Variants in TLL1 observed in about 807,000 individuals in gnomAD.
The protein encoded by TLL1 is tolloid-like protein 1.
In TLL1, 49 loss-of-function variants were observed where a neutral mutation model predicts 128.2. The ratio of observed to expected loss-of-function variants is 0.38; its 90% CI spans 0.30 to 0.48. TLL1 has a LOEUF of 0.48. Among genes scored for constraint, TLL1 ranks in the 20% least tolerant of loss-of-function variants. TLL1 has a pLI of 0.96. For missense variants in TLL1, 1,123 were observed against 1,242.0 expected (o/e 0.90, Z 1.44); for synonymous variants, 454 against 418.8 (o/e 1.08, Z -1.03).
chr4:165,892,284 T>C (rs1328620121), intron 1 of TLL1, among the ~76,000 whole-genome samples: 1 of 152,206 alleles, frequency 6.6e-6, no homozygotes, highest in East Asian at 1.9e-4. Context: ...CCAAACCATG[T>C]CAACACTCAT....
chr4:165,955,066 A>G (rs1734716600), intron 1 of TLL1, among the ~76,000 whole-genome samples: 2 of 152,126 alleles, frequency 1.3e-5, no homozygotes, highest in African/African-American at 2.4e-5. Flanking sequence ...CAGCGTAGCC[A>G]TCTTAAGAAA....
rs554694664 is a variant in TLL1, at chr4:165,960,362, A to G, written c.170-29019A>G. 3.3e-5 allele frequency among the ~76,000 whole-genome samples: 5 copies of G among 152,238 alleles called. No individual in the cohort carries two copies. In the East Asian group the frequency reaches 9.7e-4, roughly 29 times the overall value. The stretch of plus-strand genomic sequence containing the variant: ...CAAACAAAAACCCTAGAATAGATGT[A>G]TTTACAGCCAAATTCTACCAGATGT... On this transcript the variant is annotated intron_variant, in intron 1 of 20. Coordinates refer to ENST00000061240, the MANE Select transcript of TLL1 (RefSeq NM_012464.5).
chr4:165,927,078 T>A (rs1733307343), intron 1 of TLL1, among the ~76,000 whole-genome samples: 1 of 152,202 alleles, frequency 6.6e-6, no homozygotes, highest in Admixed American at 6.5e-5. Context: ...CTCTGCAAAC[T>A]ATGAAGCAAC....
chr4:166,025,218 C>A, intron 8 of TLL1, 98 bp from the exon 9 acceptor site: 1 of 831,492 alleles, frequency 1.2e-6, no homozygotes, highest in Non-Finnish European at 2.1e-6. Flanking sequence ...AACATTTAGT[C>A]TTGTCTACTA....
intron 16 of TLL1, 126 bp downstream of exon 16, chr4:166,065,989 C>A: frequency 5.3e-6 from 1 of 187,460 alleles, no homozygotes; most frequent in Non-Finnish European, 8.1e-6. Context: ...GCCTTACAAA[C>A]AACACAAAAA....
intron 1 of TLL1, among the ~76,000 whole-genome samples, chr4:165,883,032 T>TA (rs1216744152): frequency 6.6e-6 from 1 of 152,066 alleles, no homozygotes; most frequent in Non-Finnish European, 1.5e-5. Context: ...ATATTGATTG[T>TA]AGGATATACT....
intron 12 of TLL1, among the ~76,000 whole-genome samples, chr4:166,047,268 G>T (rs142088760): frequency 1.3e-5 from 2 of 151,252 alleles, no homozygotes; most frequent in African/African-American, 4.8e-5. Context: ...AGGTTCAAGC[G>T]ATTCTCCTGC....
At chr4:165,926,420 T>C (rs925868605) in intron 1 of TLL1, among the ~76,000 whole-genome samples, 1 of 152,174 alleles carries the variant, frequency 6.6e-6, no homozygotes, top group Non-Finnish European at 1.5e-5. Flanking sequence ...GGAATTTGGA[T>C]ATAGTATGAT....
chr4:165,967,224 C>A (rs1019568109), intron 1 of TLL1, among the ~76,000 whole-genome samples: 2 of 152,200 alleles, frequency 1.3e-5, no homozygotes, highest in Non-Finnish European at 2.9e-5. Flanking sequence ...AAAATCGCAG[C>A]CATCTTGTTC....
chr4:166,057,241 C>T lies in TLL1; in HGVS notation c.1778C>T (p.Thr593Ile). Residue 593 changes from threonine to isoleucine, a missense_variant, in exon 14 of 21, where the codon ACT becomes ATT. This residue lies in a region of TLL1 where 634 missense variants were observed against 672.4 expected (regional missense o/e 0.94). Coordinates refer to ENST00000061240, the MANE Select transcript of TLL1 (RefSeq NM_012464.5). ...GGCTGTGAGCAGCGATGTCTGAACA[C>T]TCTGGGCAGTTACCAGTGTGCCTGT... ...RGGCEQRCLN[T>I]LGSYQCACEP... 1.2e-6 allele frequency: 2 copies of T among 1,613,972 alleles called. No individual in the cohort carries two copies. The highest frequency in any genetic ancestry group is 8.5e-7 in the Non-Finnish European group (1 of 1,179,936).
chr4:166,049,728 G>A (rs1377017492), intron 12 of TLL1, among the ~76,000 whole-genome samples: 2 of 150,368 alleles, frequency 1.3e-5, no homozygotes, highest in African/African-American at 4.9e-5. Context: ...AAATAATTAT[G>A]TTTTAAACTT....
intron 12 of TLL1, among the ~76,000 whole-genome samples, chr4:166,054,188 G>C (rs961400494): frequency 1.7e-5 from 2 of 121,150 alleles, no homozygotes; most frequent in Admixed American, 1.6e-4. Flanking sequence ...TATTTCCTTG[G>C]GAAAGGGAAA....
At chr4:165,916,221 T>C (rs1732769829) in intron 1 of TLL1, among the ~76,000 whole-genome samples, 1 of 152,236 alleles carries the variant, frequency 6.6e-6, no homozygotes, top group Non-Finnish European at 1.5e-5. Flanking sequence ...GGTGAAGATC[T>C]TCACTCTTAC....
At position 166,078,165 on chromosome 4, in the gene TLL1, C is replaced by T. The variant is rs888173182; in HGVS notation, c.2442+135C>T. ...GCTGGAAAAGATTTTTTGTCTCATGCTTTCCTACTTGCACTAAAATCCTTG... is the reference window on the plus strand; with the variant it reads ...GCTGGAAAAGATTTTTTGTCTCATGTTTTCCTACTTGCACTAAAATCCTTG... On this transcript the variant is annotated intron_variant, in intron 18 of 20. Coordinates refer to ENST00000061240, the MANE Select transcript of TLL1 (RefSeq NM_012464.5). The T allele has an allele frequency of 2.2e-6, 3 of 1,351,108 alleles. No homozygotes were observed. The African/African-American group carries it at 4.3e-5, about 19-fold the overall frequency. 83.7% of individuals were successfully genotyped at this position (1,351,108 alleles called of 1,614,324 possible).
intron 8 of TLL1, among the ~76,000 whole-genome samples, chr4:166,022,748 T>C (rs1446769288): frequency 1.3e-5 from 2 of 152,220 alleles, no homozygotes; most frequent in Non-Finnish European, 2.9e-5. Flanking sequence ...AAGTGGTGTT[T>C]ACACAATTCA....
intron 1 of TLL1, among the ~76,000 whole-genome samples, chr4:165,889,453 T>A (rs1050041152): frequency 2.0e-5 from 3 of 152,232 alleles, no homozygotes; most frequent in Non-Finnish European, 2.9e-5. Context: ...AAAATTTTTG[T>A]ACCTTTCACT....
intron 1 of TLL1, among the ~76,000 whole-genome samples, chr4:165,947,059 G>A (rs1247988625): frequency 1.3e-5 from 2 of 152,032 alleles, no homozygotes; most frequent in Admixed American, 6.6e-5. Flanking sequence ...CAGACTGGGT[G>A]GAATAAAAAC....
At chr4:166,052,038 T>C (rs1739764136) in intron 12 of TLL1, among the ~76,000 whole-genome samples, 1 of 152,126 alleles carries the variant, frequency 6.6e-6, no homozygotes, top group African/African-American at 2.4e-5. Context: ...GTAAAGTGAA[T>C]GATTGTATAT....
chr4:166,095,995 T>C (rs1245968850), intron 19 of TLL1, among the ~76,000 whole-genome samples: 2 of 152,126 alleles, frequency 1.3e-5, no homozygotes, highest in Non-Finnish European at 2.9e-5. Context: ...AAATGACCTA[T>C]TGACCATTGC....
Sources: gnomAD v4.1 joint callset for allele counts (sites outside exome capture counted in the v4.1 genomes callset) on GRCh38, gnomAD v4.1.1 for gene constraint, gnomAD v4.1.1 regional missense constraint, MANE v1.5 for transcripts, NCBI Gene and HGNC (gene_info 2026-07-23, HGNC 2026-07-21) for gene names.